Variants in NCOR2 observed in about 807,000 individuals in gnomAD.
The protein encoded by NCOR2 is CTG repeat protein 26.
NCOR2 carries 81 observed loss-of-function variants against 262.9 expected under a neutral mutation model. That is an observed-to-expected ratio of 0.31 (90% CI 0.26 to 0.37). The LOEUF (loss-of-function observed/expected upper bound fraction) is 0.37. Ranked by LOEUF, NCOR2 falls within the 10% of genes least tolerant of loss-of-function variation. NCOR2 has a pLI of 1.00. For synonymous variants in NCOR2, 1,659 were observed against 1,559.3 expected, an observed-to-expected ratio of 1.06 and a Z score of -1.51; for missense variants, 3,385 against 3,621.4, an observed-to-expected ratio of 0.93 and a Z score of 1.68.
chr12:124,565,210 T>G (rs2052196604), intron 1 of NCOR2, among the ~76,000 whole-genome samples: 1 of 152,030 alleles, frequency 6.6e-6, no homozygotes, highest in Admixed American at 6.5e-5. Flanking sequence ...CGTAAATAGC[T>G]CAGTGGGAAG....
In NCOR2 at chr12:124,341,676, A is replaced by C; in HGVS notation, c.5188+147T>G. 3 of 1,269,742 alleles carry C rather than the reference A, an allele frequency of 2.4e-6. No homozygotes were observed. The African/African-American group carries it at 4.5e-5, about 19-fold the overall frequency. The allele number at this position is 1,269,742 out of a possible 1,614,324, so 78.7% of individuals were successfully genotyped here. ...GCCAACCAGCACCCACAGCACGCACAACCCCAGGCCACCCACTCAGGTCCG... is the reference window on the plus strand; with the variant it reads ...GCCAACCAGCACCCACAGCACGCACCACCCCAGGCCACCCACTCAGGTCCG... On this transcript the variant is annotated intron_variant, in intron 34 of 46. Coordinates refer to ENST00000405201, the Ensembl canonical transcript of NCOR2.
intron 1 of NCOR2, among the ~76,000 whole-genome samples, chr12:124,526,406 GC>G (rs149533891): frequency 0.042 from 6,385 of 152,280 alleles, 174 homozygotes; most frequent in East Asian, 0.12. Context: ...CCCTCCCTGG[GC>G]CCCCAGTAGA....
rs1041389410 is a variant in NCOR2 at position 124,457,917 on chromosome 12, C to T, written c.706-755G>A. Among the ~76,000 whole-genome samples the T allele has an allele frequency of 3.3e-5, 5 of 152,120 alleles. No individual in the cohort carries two copies. The highest frequency in any genetic ancestry group is 7.2e-5 in the African/African-American group (3 of 41,430). ...GGCCTGGAGGGCAGCCCAGGCCAGC[C>T]GGGTACAGGGAGGTGGGGGGCGGAG... On this transcript the variant is annotated intron_variant, in intron 5 of 46. Coordinates refer to ENST00000405201, the Ensembl canonical transcript of NCOR2. The surrounding 1 kb of genome is among the most constrained non-coding windows in gnomAD (Gnocchi z 4.0).
intron 1 of NCOR2, among the ~76,000 whole-genome samples, chr12:124,509,097 C>T (rs913624490): frequency 5.9e-5 from 9 of 152,142 alleles, no homozygotes; most frequent in African/African-American, 2.2e-4. Context: ...GAGCAAGACA[C>T]AGTGTCTCTG....
At chr12:124,325,392 C>CCCCCCGGGG in exon 47 of NCOR2, 1 of 1,152,264 alleles carries the variant, frequency 8.7e-7, no homozygotes, top group Non-Finnish European at 1.1e-6. Flanking sequence ...CCCCCCCGCC[C>CCCCCCGGGG]TGTTCTGAGT....
At chr12:124,468,286 T>C (rs111174001) in intron 4 of NCOR2, among the ~76,000 whole-genome samples, 737 of 42,258 alleles carry the variant, frequency 0.017, no homozygotes, top group South Asian at 0.032. Flanking sequence ...ATCACCCTCA[T>C]CCTCATCACG....
intron 1 of NCOR2, among the ~76,000 whole-genome samples, chr12:124,553,378 C>T (rs113706710): frequency 0.032 from 4,901 of 152,296 alleles, 238 homozygotes; most frequent in African/African-American, 0.11. Flanking sequence ...ATTAGGACAT[C>T]GTTCGGGGGA....
In NCOR2 at chr12:124,495,013, G is replaced by C; in HGVS notation, c.105+134C>G. ...TTCAGACACCAGGGGTCTCTGTGGCGGCCTCCCCTCTGCCCTGGGAGGCTC... is the reference window on the plus strand; with the variant it reads ...TTCAGACACCAGGGGTCTCTGTGGCCGCCTCCCCTCTGCCCTGGGAGGCTC... On this transcript the variant is annotated intron_variant, in intron 1 of 46. Coordinates refer to ENST00000405201, the Ensembl canonical transcript of NCOR2. The surrounding 1 kb of genome is among the most constrained non-coding windows in gnomAD (Gnocchi z 4.4). 1 of 1,057,552 alleles carries C rather than the reference G, an allele frequency of 9.5e-7. No individual in the cohort carries two copies. Among genetic ancestry groups the C allele is most frequent in the Non-Finnish European group, 1.3e-6 (1 of 747,956 alleles). 65.5% of individuals were successfully genotyped at this position (1,057,552 alleles called of 1,614,324 possible).
At chr12:124,342,102 G>A (rs768115736) in intron 33 of NCOR2, 28 bp from the exon 36 acceptor site, 3 of 1,588,840 alleles carry the variant, frequency 1.9e-6, no homozygotes, top group South Asian at 2.3e-5. Flanking sequence ...GCTCATGTGA[G>A]GCCAGCCATA....
At chr12:124,505,847 C>G (rs1163782976) in intron 1 of NCOR2, among the ~76,000 whole-genome samples, 1 of 152,154 alleles carries the variant, frequency 6.6e-6, no homozygotes, top group Non-Finnish European at 1.5e-5. Flanking sequence ...GATAGGCAAA[C>G]TGAGTCTGGG....
chr12:124,372,658 C>T, intron 19 of NCOR2, 48 bp from the exon 22 acceptor site: 1 of 1,520,476 alleles, frequency 6.6e-7, no homozygotes, highest in Non-Finnish European at 8.9e-7. Context: ...CTGGCGGGGC[C>T]TCCAGAAGAG....
rs1234591254 is a variant in NCOR2 at position 124,373,332 on chromosome 12, CGT to C, written c.2219-724_2219-723del. Among the ~76,000 whole-genome samples the C allele has an allele frequency of 6.1e-4, 18 of 29,368 alleles. 3 individuals are homozygous for C. Among genetic ancestry groups the C allele is most frequent in the Non-Finnish European group, 9.2e-4 (10 of 10,844 alleles). The allele number at this position is 29,368 out of a possible 152,430, so 19.3% of individuals were successfully genotyped here. A position where few individuals can be genotyped will look rare whatever the true frequency, so the allele number is the denominator to read the frequency against. On this transcript the variant is annotated intron_variant, in intron 19 of 46. Coordinates refer to ENST00000405201, the Ensembl canonical transcript of NCOR2. ...ACAGTGGACAATCATGAGGCCAGTG[CGT>C]GTGCAGGGGCCCCGGGCACAGTGGA...
chr12:124,368,623 G>A (rs1223061859), intron 20 of NCOR2, among the ~76,000 whole-genome samples: 6 of 152,178 alleles, frequency 3.9e-5, no homozygotes, highest in Middle Eastern at 6.3e-3. Flanking sequence ...ACGCTCATGC[G>A]GCCACAGGGC....
At chr12:124,375,872 A>G (rs534900294) in intron 18 of NCOR2, among the ~76,000 whole-genome samples, 2 of 152,262 alleles carry the variant, frequency 1.3e-5, no homozygotes, top group East Asian at 1.9e-4. Flanking sequence ...GACGCTTTCC[A>G]CTGCCCCCGG....
chr12:124,549,018 G>A lies in NCOR2; in HGVS notation c.-164-13407C>T, dbSNP rs920639254. On this transcript the variant is annotated intron_variant, in intron 1 of 32. Coordinates refer to the NCOR2 transcript ENST00000458234. The surrounding 1 kb of genome is among the most constrained non-coding windows in gnomAD (Gnocchi z 4.4). ...GATTTTTGCTGTTGTTGTTAATTCT[G>A]TGTCGAGTCTAGTCTGTATTAAGGA... Among the ~76,000 whole-genome samples, 1 of 152,110 alleles carries A rather than the reference G, an allele frequency of 6.6e-6. No individual in the cohort carries two copies. The highest frequency in any genetic ancestry group is 2.4e-5 in the African/African-American group (1 of 41,404).
At chr12:124,466,445 G>C (rs559829863) in intron 4 of NCOR2, among the ~76,000 whole-genome samples, 159 bp from the exon 7 acceptor site, 1 of 152,232 alleles carries the variant, frequency 6.6e-6, no homozygotes, top group South Asian at 2.1e-4. Flanking sequence ...CAGGGACTCC[G>C]CACCCGGGAG....
intron 27 of NCOR2, 131 bp from the exon 30 acceptor site, chr12:124,350,868 T>A: frequency 1.1e-6 from 1 of 941,312 alleles, no homozygotes; most frequent in Non-Finnish European, 1.5e-6. Flanking sequence ...ACACACTGTC[T>A]CAAATAGGTA....
chr12:124,403,999 T>C (rs1471044304), intron 13 of NCOR2, among the ~76,000 whole-genome samples: 3 of 152,230 alleles, frequency 2.0e-5, no homozygotes, highest in East Asian at 3.8e-4. Flanking sequence ...CCCAGGTTGC[T>C]GCTGATTCCC....
intron 20 of NCOR2, among the ~76,000 whole-genome samples, chr12:124,369,069 G>A (rs1018614169): frequency 4.6e-5 from 7 of 152,202 alleles, no homozygotes; most frequent in African/African-American, 9.7e-5. Context: ...ACTGTGGCCC[G>A]TCATTAACTG....
Sources: allele counts gnomAD v4.1 joint callset (sites outside exome capture counted in the v4.1 genomes callset), GRCh38; gene constraint gnomAD v4.1.1; non-coding constraint Gnocchi (gnomAD v3.1); transcripts MANE v1.5; gene names NCBI Gene and HGNC (gene_info 2026-07-23, HGNC 2026-07-21).